Variants in PTPN5 observed in about 807,000 individuals in gnomAD.
The protein encoded by PTPN5 is protein tyrosine phosphatase non-receptor type 5.
Under a neutral mutation model 73.9 loss-of-function variants are expected in PTPN5, and 29 were observed. The ratio of observed to expected loss-of-function variants is 0.39; its 90% CI spans 0.29 to 0.54. The LOEUF (loss-of-function observed/expected upper bound fraction) is 0.54, where lower values mean the gene tolerates loss of function less well. Among genes scored for constraint, PTPN5 ranks in the 20% least tolerant of loss-of-function variants. The probability of loss-of-function intolerance (pLI) is 0.65; values close to 1 mark genes in which losing one functional copy is unlikely to be tolerated. For synonymous variants in PTPN5, 267 were observed against 304.7 expected, an observed-to-expected ratio of 0.88 and a Z score of 1.29; for missense variants, 652 against 751.4, an observed-to-expected ratio of 0.87 and a Z score of 1.55.
At chr11:18,739,641 C>T (rs1045357054) in intron 8 of PTPN5, among the ~76,000 whole-genome samples, 8 of 152,196 alleles carry the variant, frequency 5.3e-5, no homozygotes, top group African/African-American at 1.9e-4. Flanking sequence ...AGGCCCAGGG[C>T]GGAGGCCAAA....
At position 18,785,337 on chromosome 11, in the gene PTPN5, T is replaced by C. The variant is rs200988258; in HGVS notation, c.-114+6188A>G. Among the ~76,000 whole-genome samples, 10 of 152,274 alleles carry C rather than the reference T, an allele frequency of 6.6e-5. 1 individual carries two copies. The East Asian group carries it at 1.9e-3, about 29-fold the overall frequency. Reference sequence around the variant, plus strand: ...TTGACTATGTGCAACAATAAAGACATAGTTAAATAAAGCAGGGGTCAGCCA... The same window carrying C: ...TTGACTATGTGCAACAATAAAGACACAGTTAAATAAAGCAGGGGTCAGCCA... On this transcript the variant is annotated intron_variant, in intron 1 of 14. Coordinates refer to ENST00000358540, the MANE Select transcript of PTPN5 (RefSeq NM_006906.2).
chr11:18,757,414 T>A (rs1850206216), intron 3 of PTPN5, among the ~76,000 whole-genome samples: 2 of 152,100 alleles, frequency 1.3e-5, no homozygotes, highest in African/African-American at 4.8e-5. Context: ...CCTGCTCCAA[T>A]CCTCCATCAG....
intron 3 of PTPN5, among the ~76,000 whole-genome samples, chr11:18,764,035 C>T (rs943674293): frequency 1.4e-4 from 22 of 152,144 alleles, no homozygotes; most frequent in African/African-American, 3.6e-4. Flanking sequence ...GAGTCATCTC[C>T]GAATTCTATG....
chr11:18,777,720 A>G (rs1375663539), intron 1 of PTPN5, among the ~76,000 whole-genome samples: 1 of 152,200 alleles, frequency 6.6e-6, no homozygotes, highest in East Asian at 1.9e-4. Context: ...CCAAGGCAAG[A>G]GGATCACTTG....
Position 18,750,585 on chromosome 11 carries a change from A to AT in PTPN5, c.98-6387dup, listed in dbSNP as rs1334329310. On this transcript the variant is annotated intron_variant, in intron 3 of 14. Transcript: ENST00000358540. ...TTGTTGCTCCTATCTCATTGTGGGG[A>AT]TGGAGGGCGATATAGGAGCGGTATG... Among the ~76,000 whole-genome samples the AT allele has an allele frequency of 2.0e-4, 30 of 152,142 alleles. 1 individual carries two copies. The highest frequency in any genetic ancestry group is 6.5e-5 in the Admixed American group (1 of 15,284).
At position 18,791,610 on chromosome 11, in the gene PTPN5, G is replaced by C. The variant is rs1415362908; in HGVS notation, c.-199C>G. Reference sequence around the variant, plus strand: ...CGCGAGTGTGCGTGTGTCTGCGTGTGTCCCTGCTTGTGTCTGTGCCAGTGT... The same window carrying C: ...CGCGAGTGTGCGTGTGTCTGCGTGTCTCCCTGCTTGTGTCTGTGCCAGTGT... On this transcript the variant is annotated 5_prime_UTR_variant, in exon 1 of 15. Coordinates refer to ENST00000358540, the MANE Select transcript of PTPN5 (RefSeq NM_006906.2). The C allele has an allele frequency of 6.6e-6, 1 of 152,614 alleles. No individual in the cohort carries two copies. The highest frequency in any genetic ancestry group is 2.4e-5 in the African/African-American group (1 of 41,418). 9.5% of individuals were successfully genotyped at this position (152,614 alleles called of 1,614,324 possible).
At chr11:18,751,917 G>A (rs1178032049) in intron 3 of PTPN5, among the ~76,000 whole-genome samples, 4 of 152,160 alleles carry the variant, frequency 2.6e-5, no homozygotes, top group African/African-American at 4.8e-5. Flanking sequence ...GATGTTATAC[G>A]ACTGTAAGGC....
At chr11:18,732,870 G>A (rs1342407652) in intron 11 of PTPN5, among the ~76,000 whole-genome samples, 168 bp from the exon 12 acceptor site, 5 of 152,188 alleles carry the variant, frequency 3.3e-5, no homozygotes, top group African/African-American at 7.2e-5. Flanking sequence ...CGTTTCCTGA[G>A]TCTCAGTTTC....
Position 18,744,215 on chromosome 11 carries a change from C to T in PTPN5, c.98-16G>A. The T allele has an allele frequency of 6.6e-7, 1 of 1,512,942 alleles. No homozygotes were observed. 93.7% of individuals were successfully genotyped at this position (1,512,942 alleles called of 1,614,324 possible). A position where few individuals can be genotyped will look rare whatever the true frequency, so the allele number is the denominator to read the frequency against. ...TGGGGGAGACCTGTGGAAGATGGGC[C>T]ATGCGGGCCGATGACTCCGGCCCTG... On this transcript the variant is annotated splice_polypyrimidine_tract_variant and intron_variant, in intron 3 of 14. Coordinates refer to ENST00000358540, the MANE Select transcript of PTPN5 (RefSeq NM_006906.2).
chr11:18,731,815 C>T (rs1387711915), intron 12 of PTPN5, among the ~76,000 whole-genome samples: 3 of 152,222 alleles, frequency 2.0e-5, no homozygotes, highest in Admixed American at 6.5e-5. Flanking sequence ...TGGCTGTCAG[C>T]ATCAATGAAC....
intron 9 of PTPN5, among the ~76,000 whole-genome samples, chr11:18,735,114 G>T (rs950848369): frequency 6.6e-6 from 1 of 152,176 alleles, no homozygotes; most frequent in Non-Finnish European, 1.5e-5. Context: ...CCAACACGAA[G>T]TATCAGTTGC....
chr11:18,734,839 G>C (rs1849045617), intron 9 of PTPN5, among the ~76,000 whole-genome samples: 1 of 152,166 alleles, frequency 6.6e-6, no homozygotes, highest in South Asian at 2.1e-4. Context: ...CTATAATAGG[G>C]AGGACTGGAC....
chr11:18,780,761 G>A (rs1851381916), intron 1 of PTPN5, among the ~76,000 whole-genome samples: 1 of 152,094 alleles, frequency 6.6e-6, no homozygotes, highest in Non-Finnish European at 1.5e-5. Context: ...GCTGACAAGG[G>A]GCAAGGGATA....
In PTPN5 at chr11:18,729,668, C is replaced by T. The variant is rs371906420; in HGVS notation, c.1480G>A (p.Val494Ile). Residue 494 changes from valine (V) to isoleucine (I), a missense_variant, in exon 13 of 15, where the codon GTC becomes ATC. Physicochemically the swap from Val to Ile is conservative, Grantham distance 29. Transcript: ENST00000358540. The surrounding 1 kb of genome is among the most constrained non-coding windows in gnomAD (Gnocchi z 5.2). ...QEGPHCAPII[V>I]HCSAGIGRTG... ...GCTGGGAGGACCCACCTGCAGTGGA[C>T]GATGATGGGGGCACAGTGGGGCCCC... The T allele has an allele frequency of 8.6e-5, 135 of 1,572,824 alleles. No individual in the cohort carries two copies. Among genetic ancestry groups the T allele is most frequent in the Middle Eastern group, 1.7e-4 (1 of 5,802 alleles).
At chr11:18,785,054 G>A (rs546035689) in intron 1 of PTPN5, among the ~76,000 whole-genome samples, 9 of 152,008 alleles carry the variant, frequency 5.9e-5, no homozygotes, top group Admixed American at 3.3e-4. Flanking sequence ...GAGTTTCACC[G>A]TGTTGGCCAG....
chr11:18,773,206 G>C (rs1467538244), intron 1 of PTPN5, among the ~76,000 whole-genome samples: 2 of 152,042 alleles, frequency 1.3e-5, no homozygotes, highest in Non-Finnish European at 2.9e-5. Context: ...ATTCCCTTGG[G>C]AGAGGCGGCT....
intron 3 of PTPN5, among the ~76,000 whole-genome samples, chr11:18,760,584 G>A (rs1106865): frequency 0.31 from 46,974 of 152,146 alleles, 8,804 homozygotes; most frequent in Admixed American, 0.47. Flanking sequence ...CCTACCAAAA[G>A]TGCAATGGCC....
chr11:18,745,050 A>G (rs1041285019), intron 3 of PTPN5, among the ~76,000 whole-genome samples: 2 of 152,230 alleles, frequency 1.3e-5, no homozygotes, highest in African/African-American at 4.8e-5. Flanking sequence ...CTGCTACTAA[A>G]GAGTCTGAAT....
chr11:18,735,768 C>A (rs4756960), intron 9 of PTPN5, among the ~76,000 whole-genome samples: 137,758 of 148,370 alleles, frequency 0.93, 64,083 homozygotes, highest in Non-Finnish European at 0.97. Flanking sequence ...CTGTCTCCCC[C>A]AAAAAAAAAA....
Sources: gnomAD v4.1 joint callset for allele counts (sites outside exome capture counted in the v4.1 genomes callset) on GRCh38, gnomAD v4.1.1 for gene constraint, Gnocchi (gnomAD v3.1) non-coding constraint, MANE v1.5 for transcripts, NCBI Gene and HGNC (gene_info 2026-07-23, HGNC 2026-07-21) for gene names.